The following FER1L6 variants were observed in gnomAD, a reference collection of about 807,000 sequenced individuals.
The protein encoded by FER1L6 is fer-1-like protein 6.
In FER1L6, 177 loss-of-function variants were observed where a neutral mutation model predicts 219.2. The ratio of observed to expected loss-of-function variants is 0.81; its 90% CI spans 0.71 to 0.91. The LOEUF (loss-of-function observed/expected upper bound fraction) is 0.91, where lower values mean the gene tolerates loss of function less well. Ranked by LOEUF, FER1L6 falls within the 40% of genes least tolerant of loss-of-function variation. The pLI is 0.00. For synonymous variants in FER1L6, 768 were observed against 824.3 expected (o/e 0.93, Z 1.17); for missense variants, 2,153 against 2,259.9 (o/e 0.95, Z 0.96).
At chr8:123,870,317 A>G (rs1028269962) in intron 1 of FER1L6, among the ~76,000 whole-genome samples, 1 of 152,214 alleles carries the variant, frequency 6.6e-6, no homozygotes, top group African/African-American at 2.4e-5. Context: ...AACTGATTTG[A>G]AAACCGATGT....
At position 124,119,662 on chromosome 8, in the gene FER1L6, C is replaced by CTCA. The variant is rs1823401531; in HGVS notation, c.5449_5451dup (p.Ile1817dup). The CTCA allele has an allele frequency of 6.2e-7, 1 of 1,613,536 alleles. No individual in the cohort carries two copies. Among genetic ancestry groups the CTCA allele is most frequent in the Non-Finnish European group, 8.5e-7 (1 of 1,179,594 alleles). On this transcript the variant is annotated inframe_insertion, in exon 41 of 41. Coordinates refer to ENST00000522917, the MANE Select transcript of FER1L6 (RefSeq NM_001039112.2). ...GAGCCCCTTTAAGTGCCTGTACTAC[C>CTCA]TCATCTGGAAGAATTACAAAAAGTA...
At chr8:123,922,218 A>G (rs1813384575) in intron 1 of FER1L6, among the ~76,000 whole-genome samples, 1 of 152,184 alleles carries the variant, frequency 6.6e-6, no homozygotes, top group Admixed American at 6.5e-5. Flanking sequence ...GGTGGCTCAC[A>G]TGACCTCAGC....
At chr8:124,081,950 G>T (rs1821572043) in intron 32 of FER1L6, among the ~76,000 whole-genome samples, 1 of 152,190 alleles carries the variant, frequency 6.6e-6, no homozygotes, top group East Asian at 1.9e-4. Context: ...TTTACAATCA[G>T]GAAATTGCAG....
At chr8:123,897,209 C>T (rs1195494546) in intron 1 of FER1L6, among the ~76,000 whole-genome samples, 2 of 152,162 alleles carry the variant, frequency 1.3e-5, no homozygotes, top group Non-Finnish European at 2.9e-5. Context: ...TACTCAGTCC[C>T]TTGTTTTTGC....
chr8:124,003,069 A>G (rs971294135), intron 12 of FER1L6, 98 bp from the exon 13 acceptor site: 13 of 976,934 alleles, frequency 1.3e-5, no homozygotes, highest in Non-Finnish European at 2.1e-5. Flanking sequence ...AGCTTACCTT[A>G]TTGCTGTGGG....
chr8:123,959,575 G>T (rs147480364), intron 2 of FER1L6, among the ~76,000 whole-genome samples: 1 of 152,188 alleles, frequency 6.6e-6, no homozygotes, highest in South Asian at 2.1e-4. Flanking sequence ...ACAAGGCCTG[G>T]CCTAGGTGCA....
intron 5 of FER1L6, among the ~76,000 whole-genome samples, chr8:123,968,884 A>G (rs1039744164): frequency 2.0e-5 from 3 of 152,106 alleles, no homozygotes; most frequent in African/African-American, 4.8e-5. Flanking sequence ...GGCTGTGTCC[A>G]TCTCTAAGGG....
chr8:123,981,952 CT>C (rs1816343531), intron 11 of FER1L6, among the ~76,000 whole-genome samples: 1 of 152,144 alleles, frequency 6.6e-6, no homozygotes, highest in Non-Finnish European at 1.5e-5. Context: ...CTATGGTTTT[CT>C]CCCACCACCA....
Position 123,937,854 on chromosome 8 carries a change from G to A in FER1L6, c.-7-18138G>A, listed in dbSNP as rs184937997. Among the ~76,000 whole-genome samples the A allele has an allele frequency of 7.2e-4, 110 of 151,940 alleles. 1 individual carries two copies. The highest frequency in any genetic ancestry group is 1.1e-3 in the Non-Finnish European group (77 of 67,958). On this transcript the variant is annotated intron_variant, in intron 1 of 40. Coordinates refer to ENST00000522917, the MANE Select transcript of FER1L6 (RefSeq NM_001039112.2). ...ATGTTGCAATATACAGAGATATATA[G>A]GAAAGAAAAAAACCCCAAGAGATGA...
chr8:123,931,508 C>T (rs4299983), intron 1 of FER1L6, among the ~76,000 whole-genome samples: 5 of 152,054 alleles, frequency 3.3e-5, no homozygotes, highest in East Asian at 1.9e-4. Flanking sequence ...TAGTAAGTAC[C>T]GCAGGATATG....
At chr8:123,871,398 A>G (rs1816922387) in intron 1 of FER1L6, among the ~76,000 whole-genome samples, 1 of 152,140 alleles carries the variant, frequency 6.6e-6, no homozygotes, top group Non-Finnish European at 1.5e-5. Flanking sequence ...CTGGTGCAGA[A>G]ACTAAGAGGA....
Position 123,953,494 on chromosome 8 carries a change from G to A in FER1L6, c.-7-2498G>A, listed in dbSNP as rs80353373. On this transcript the variant is annotated intron_variant, in intron 1 of 40. Coordinates refer to ENST00000522917, the MANE Select transcript of FER1L6 (RefSeq NM_001039112.2). Reference sequence around the variant, plus strand: ...GGTCCAGAGCTCTTGGCTTCAGAAGGGCAGGGGTGCCTGTCTCTACAAGGT... The same window carrying A: ...GGTCCAGAGCTCTTGGCTTCAGAAGAGCAGGGGTGCCTGTCTCTACAAGGT... Among the ~76,000 whole-genome samples the A allele has an allele frequency of 4.3e-3, 654 of 152,208 alleles. 7 individuals carry two copies. Among genetic ancestry groups the A allele is most frequent in the African/African-American group, 0.015 (610 of 41,546 alleles).
chr8:124,046,038 GA>G, intron 21 of FER1L6, 137 bp downstream of exon 21: 1 of 989,568 alleles, frequency 1.0e-6, no homozygotes, highest in Non-Finnish European at 1.4e-6. Context: ...AGGCAAACTT[GA>G]CCTCTGAAAA....
Position 123,905,370 on chromosome 8 carries a change from G to C in FER1L6, c.-7-50622G>C, listed in dbSNP as rs940690690. ...CCTGTGTTAGTTTGCTAAGGATTAT[G>C]GCTTCCAGCTTCATCCATGTCCCTG... On this transcript the variant is annotated intron_variant, in intron 1 of 40. Transcript: ENST00000522917. Among the ~76,000 whole-genome samples the C allele has an allele frequency of 5.3e-5, 8 of 152,260 alleles. No individual in the cohort carries two copies. In the East Asian group the frequency reaches 1.5e-3, roughly 29 times the overall value.
intron 1 of FER1L6, among the ~76,000 whole-genome samples, chr8:123,870,782 TG>T: frequency 6.6e-6 from 1 of 152,064 alleles, no homozygotes; most frequent in African/African-American, 2.4e-5. Context: ...GCAGTAAGAG[TG>T]GACCTTGATA....
chr8:123,976,122 A>G (rs374868054), intron 9 of FER1L6, 38 bp downstream of exon 9: 6 of 1,465,250 alleles, frequency 4.1e-6, no homozygotes, highest in Middle Eastern at 2.2e-4. Flanking sequence ...CTGCTAGGCC[A>G]GGGCCCTGCT....
intron 33 of FER1L6, among the ~76,000 whole-genome samples, chr8:124,084,359 C>T (rs559073532): frequency 7.0e-4 from 106 of 152,018 alleles, no homozygotes; most frequent in African/African-American, 2.4e-3. Context: ...AAAGGCTTTC[C>T]GTTTTCCCCA....
chr8:123,973,627 C>A, intron 7 of FER1L6, 115 bp downstream of exon 7: 1 of 784,050 alleles, frequency 1.3e-6, no homozygotes, highest in South Asian at 1.5e-5. Context: ...CACTGAGCAC[C>A]AGTTATACAA....
intron 31 of FER1L6, among the ~76,000 whole-genome samples, chr8:124,072,970 T>C (rs924527172): frequency 1.3e-5 from 2 of 152,244 alleles, no homozygotes; most frequent in Non-Finnish European, 1.5e-5. Context: ...CAAAGCTCAT[T>C]AGCACATTCA....
Sources: allele counts gnomAD v4.1 joint callset (sites outside exome capture counted in the v4.1 genomes callset), GRCh38; gene constraint gnomAD v4.1.1; transcripts MANE v1.5; gene names NCBI Gene and HGNC (gene_info 2026-07-23, HGNC 2026-07-21).